The following PROCA1 variants were observed in gnomAD, a reference collection of about 807,000 sequenced individuals.
PROCA1 encodes protein PROCA1.
In PROCA1, 22 loss-of-function variants were observed where a neutral mutation model predicts 23.2. That is an observed-to-expected ratio of 0.95 (90% confidence interval 0.68 to 1.35). The LOEUF (loss-of-function observed/expected upper bound fraction) is 1.35. Among genes scored for constraint, PROCA1 ranks in the 40% most tolerant of loss-of-function variants. The pLI, the probability that PROCA1 is intolerant of heterozygous loss-of-function variation, is 0.00. For missense variants in PROCA1, 469 were observed against 459.8 expected (o/e 1.02, Z -0.18); for synonymous variants, 182 against 179.2 (o/e 1.02, Z -0.12).
At chr17:28,710,886 G>A (rs2032746909) in intron 1 of PROCA1, 2 of 1,303,958 alleles carry the variant, frequency 1.5e-6, no homozygotes, top group Non-Finnish European at 2.0e-6. Flanking sequence ...ATGCTCATCT[G>A]TACAGAATCC....
chr17:28,704,177 A>T lies in PROCA1; in HGVS notation c.476T>A (p.Ile159Asn). 1 of 1,541,556 alleles carries T rather than the reference A, an allele frequency of 6.5e-7. No homozygotes were observed. Among genetic ancestry groups the T allele is most frequent in the South Asian group, 1.3e-5 (1 of 79,250 alleles). ...ACACTCATGGTAGAGTGGATGGTGG[A>T]TCACTGCCACAGAGACAGGTCTGTA... ...KSYRPVSVAV[I>N]HHPLYHECGA... The change falls in exon 5 of 5, where the codon ATC becomes AAC. Residue 159 changes from isoleucine to asparagine, a missense_variant. By Grantham distance (149) the Ile-to-Asn change is moderately radical. Transcript: ENST00000682792.
In PROCA1 at chr17:28,704,014, C is replaced by T. The variant is rs377488532; in HGVS notation, c.639G>A (p.Ala213=). 1.8e-5 allele frequency: 29 copies of T among 1,611,030 alleles called. No homozygotes were observed. The highest frequency in any genetic ancestry group is 1.2e-4 in the Admixed American group (7 of 59,518). Reference sequence around the variant, plus strand: ...TCTCAGAGCGCCAGATGGTGATGGGCGCTGTGGAGTCAGGGGTACCAGTGG... The same window carrying T: ...TCTCAGAGCGCCAGATGGTGATGGGTGCTGTGGAGTCAGGGGTACCAGTGG... The part of the protein sequence containing the change: ...SMATGTPDST[A]PITIWRSESP... Residue 213 remains alanine, a synonymous_variant, in exon 5 of 5, where the codon GCG becomes GCA. Transcript: ENST00000682792.
In PROCA1 at chr17:28,711,568, A is replaced by G. The variant is rs775575123; in HGVS notation, c.91+2T>C. The G allele has an allele frequency of 1.2e-6, 2 of 1,604,288 alleles. No individual in the cohort carries two copies. The highest frequency in any genetic ancestry group is 1.7e-6 in the Non-Finnish European group (2 of 1,176,726). On this transcript the variant is annotated splice_donor_variant, in intron 1 of 4. Coordinates refer to ENST00000682792, the MANE Select transcript of PROCA1 (RefSeq NM_001366301.1). LOFTEE classifies it high-confidence loss of function. ...GCCCAGCCCCTGCCCCGCCCCTCTTACCGCGGCATCTGCTCTCATCCCACG... is the reference window on the plus strand; with the variant it reads ...GCCCAGCCCCTGCCCCGCCCCTCTTGCCGCGGCATCTGCTCTCATCCCACG...
At chr17:28,707,988 CTGTTTTTTGTTTTGTTT>C (rs1445412413) in intron 1 of PROCA1, 1 of 152,326 alleles carries the variant, frequency 6.6e-6, no homozygotes, top group African/African-American at 2.4e-5. Context: ...TCATTTGACC[CTGTTTTTTGTTTTGTTT>C]TGTTTTTTGT....
rs2032227327 is a variant in PROCA1, at chr17:28,703,489, G to A, written c.*69C>T. 6.7e-7 allele frequency: 1 copy of A among 1,496,734 alleles called. No homozygotes were observed. Among genetic ancestry groups the A allele is most frequent in the East Asian group, 2.3e-5 (1 of 44,170 alleles). 92.7% of individuals were successfully genotyped at this position (1,496,734 alleles called of 1,614,324 possible). On this transcript the variant is annotated 3_prime_UTR_variant, in exon 5 of 5. Transcript: ENST00000682792. ...CCGCAAGAAACAGCCAGGTTGGAGG[G>A]AGAGAACAGCAGCAGAGGGCCAGCC...
chr17:28,708,945 G>A (rs749175102), intron 1 of PROCA1, among the ~76,000 whole-genome samples: 4 of 152,010 alleles, frequency 2.6e-5, no homozygotes, highest in African/African-American at 9.7e-5. Flanking sequence ...GCAGTGAGCC[G>A]TGATCACGCC....
In PROCA1 at chr17:28,703,321, C is replaced by T; in HGVS notation, c.*237G>A. The T allele has an allele frequency of 1.8e-6, 1 of 541,294 alleles. No individual in the cohort carries two copies. The allele number at this position is 541,294 out of a possible 1,614,324, so 33.5% of individuals were successfully genotyped here. On this transcript the variant is annotated 3_prime_UTR_variant, in exon 5 of 5. Transcript: ENST00000682792. ...GAAGCCCTCCTTCCCACCCCAGATA[C>T]ACTCTTCCACCTTGTCCTAGCAGGT...
intron 1 of PROCA1, 140 bp downstream of exon 1, chr17:28,711,430 G>A: frequency 2.8e-6 from 2 of 702,138 alleles, no homozygotes; most frequent in South Asian, 2.2e-5. Flanking sequence ...CCCTAGCTCC[G>A]CCCCGGCCCA....
chr17:28,710,113 C>T lies in PROCA1; in HGVS notation c.91+1457G>A, dbSNP rs114271758. On this transcript the variant is annotated intron_variant, in intron 1 of 4. Coordinates refer to ENST00000682792, the MANE Select transcript of PROCA1 (RefSeq NM_001366301.1). ...ATCTGGACTCCACAGCCTCCCTTAT[C>T]CACCCTGGACCCTAAAGTCATGCCG... 3.7e-3 allele frequency among the ~76,000 whole-genome samples: 560 copies of T among 152,230 alleles called. 3 individuals carry two copies. The highest frequency in any genetic ancestry group is 0.013 in the African/African-American group (540 of 41,538).
intron 1 of PROCA1, among the ~76,000 whole-genome samples, chr17:28,710,277 T>A (rs1376226060): frequency 2.6e-5 from 4 of 151,728 alleles, no homozygotes; most frequent in African/African-American, 9.7e-5. Context: ...GGTGGGCGGA[T>A]CACGAGGTCA....
At chr17:28,711,274 G>C in intron 1 of PROCA1, 1 of 640,898 alleles carries the variant, frequency 1.6e-6, no homozygotes, top group Non-Finnish European at 2.4e-6. Flanking sequence ...GTGCCACCCA[G>C]TCCGATAGCC....
At chr17:28,711,078 C>T in intron 1 of PROCA1, 1 of 1,183,034 alleles carries the variant, frequency 8.5e-7, no homozygotes, top group Non-Finnish European at 1.1e-6. Flanking sequence ...GCCCGCGTCT[C>T]CTTGGAAATG....
At chr17:28,708,704 T>C (rs904234492) in intron 1 of PROCA1, among the ~76,000 whole-genome samples, 36 of 144,262 alleles carry the variant, frequency 2.5e-4, no homozygotes, top group Non-Finnish European at 6.0e-5. Context: ...CTGGGCAATA[T>C]AGCGAGACCC....
chr17:28,709,217 T>C (rs1339877221), intron 1 of PROCA1, among the ~76,000 whole-genome samples: 1 of 152,164 alleles, frequency 6.6e-6, no homozygotes, highest in Non-Finnish European at 1.5e-5. Flanking sequence ...ACAAAGGTCA[T>C]TCTGTATGTG....
Position 28,703,441 on chromosome 17 carries a change from C to T in PROCA1, c.*117G>A, listed in dbSNP as rs1018349070. ...CTGGATTGCCTTTGAGAAACCCCTG[C>T]AGCCCTGAGCCCACCCCTTGCCCCG... On this transcript the variant is annotated 3_prime_UTR_variant, in exon 5 of 5. Transcript: ENST00000682792. 4.6e-6 allele frequency: 5 copies of T among 1,093,766 alleles called. No homozygotes were observed. In the African/African-American group the frequency reaches 6.3e-5, roughly 14 times the overall value. 67.8% of individuals were successfully genotyped at this position (1,093,766 alleles called of 1,614,324 possible). A position where few individuals can be genotyped will look rare whatever the true frequency, so the allele number is the denominator to read the frequency against.
rs996041474 is a variant in PROCA1 at position 28,703,466 on chromosome 17, G to A, written c.*92C>T. ...CAGCCCTGAGCCCACCCCTTGCCCC[G>A]CAAGAAACAGCCAGGTTGGAGGGAG... On this transcript the variant is annotated 3_prime_UTR_variant, in exon 5 of 5. Coordinates refer to ENST00000682792, the MANE Select transcript of PROCA1 (RefSeq NM_001366301.1). 18 of 1,378,662 alleles carry A rather than the reference G, an allele frequency of 1.3e-5. No individual in the cohort carries two copies. The highest frequency in any genetic ancestry group is 8.6e-5 in the African/African-American group (6 of 69,372). 85.4% of individuals were successfully genotyped at this position (1,378,662 alleles called of 1,614,324 possible).
Position 28,704,773 on chromosome 17 carries a change from G to T in PROCA1, c.246C>A (p.Phe82Leu), listed in dbSNP as rs752877417. 1 of 1,613,884 alleles carries T rather than the reference G, an allele frequency of 6.2e-7. No individual in the cohort carries two copies. Among genetic ancestry groups the T allele is most frequent in the Non-Finnish European group, 8.5e-7 (1 of 1,180,012 alleles). The change falls in exon 3 of 5, where the codon TTC (phenylalanine) becomes TTA (leucine). Residue 82 changes from phenylalanine to leucine, a missense_variant. Transcript: ENST00000682792. ...GGCTGTGGCGGACACAGTCAGAGGC[G>T]AAAGGGTAGATGATGTGCCCAGTGC... ...KQCTGHIIYPFASDCVRHSLH... is the reference protein window; with the variant it reads ...KQCTGHIIYPLASDCVRHSLH...
Position 28,703,671 on chromosome 17 carries a change from G to A in PROCA1, c.982C>T (p.Pro328Ser), listed in dbSNP as rs1455741312. The change falls in exon 5 of 5, where the codon CCC (proline) becomes TCC (serine). Residue 328 changes from proline (P) to serine (S), a missense_variant. Physicochemically the swap from Pro to Ser is moderately conservative, Grantham distance 74. Coordinates refer to ENST00000682792, the MANE Select transcript of PROCA1 (RefSeq NM_001366301.1). ...SSEDIVESSS[P>S]RKRENTVQAK... ...TGGACTGTGTTCTCTCTCTTCCTGG[G>A]CGATGATGATTCCACAATATCCTCG... 1.2e-6 allele frequency: 2 copies of A among 1,614,144 alleles called. No homozygotes were observed. Among genetic ancestry groups the A allele is most frequent in the Non-Finnish European group, 1.7e-6 (2 of 1,180,032 alleles).
At position 28,704,772 on chromosome 17, in the gene PROCA1, C is replaced by T. The variant is rs765433249; in HGVS notation, c.247G>A (p.Ala83Thr). 2.7e-5 allele frequency: 43 copies of T among 1,613,886 alleles called. 1 individual carries two copies. In the East Asian group the frequency reaches 5.3e-4, roughly 20 times the overall value. The change falls in exon 3 of 5, where the codon GCC becomes ACC. Residue 83 changes from alanine (A) to threonine (T), a missense_variant. By Grantham distance (58) the Ala-to-Thr change is moderately conservative. Transcript: ENST00000682792. ...AGGCTGTGGCGGACACAGTCAGAGG[C>T]GAAAGGGTAGATGATGTGCCCAGTG... ...QCTGHIIYPF[A>T]SDCVRHSLHL...
Sources: allele counts gnomAD v4.1 joint callset (sites outside exome capture counted in the v4.1 genomes callset), GRCh38; gene constraint gnomAD v4.1.1; transcripts MANE v1.5; gene names NCBI Gene and HGNC (gene_info 2026-07-23, HGNC 2026-07-21).